Variants in ST6GALNAC2 observed in about 807,000 individuals in gnomAD.
ST6GALNAC2 encodes the protein alpha-N-acetylgalactosaminide alpha-2,6-sialyltransferase 2.
A neutral mutation model predicts 38.7 loss-of-function variants in ST6GALNAC2; 42 were observed. The ratio of observed to expected loss-of-function variants is 1.09; its 90% CI spans 0.85 to 1.40. The LOEUF is 1.40. ST6GALNAC2 is among the 40% of genes most tolerant of loss of function. The pLI is 0.00. For synonymous variants in ST6GALNAC2, 233 were observed against 209.0 expected (o/e 1.11, Z -0.99); for missense variants, 506 against 481.7 (o/e 1.05, Z -0.47).
chr17:76,583,602 C>CT (rs78559643), intron 1 of ST6GALNAC2, among the ~76,000 whole-genome samples: 893 of 11,540 alleles, frequency 0.077, 2 homozygotes, highest in Non-Finnish European at 0.16. Flanking sequence ...TGGTGAAGGC[C>CT]TTTTTTTTTT....
chr17:76,579,262 G>A (rs543072993), intron 1 of ST6GALNAC2, among the ~76,000 whole-genome samples: 1 of 152,208 alleles, frequency 6.6e-6, no homozygotes. Flanking sequence ...AGGCACACAG[G>A]ATACTGTCAC....
intron 8 of ST6GALNAC2, among the ~76,000 whole-genome samples, chr17:76,566,583 T>G (rs1368173438): frequency 6.6e-6 from 1 of 151,950 alleles, no homozygotes; most frequent in African/African-American, 2.4e-5. Flanking sequence ...AAAGGCCCTG[T>G]GTGGTGGCTC....
In ST6GALNAC2 at chr17:76,573,685, T is replaced by C. The variant is rs989956041; in HGVS notation, c.362-322A>G. ...GCTCACACCTGTAATACCAGAACTTTGGAAGGGTGAGGTGGGTGAATCACT... is the reference window on the plus strand; with the variant it reads ...GCTCACACCTGTAATACCAGAACTTCGGAAGGGTGAGGTGGGTGAATCACT... On this transcript the variant is annotated intron_variant, in intron 3 of 8. Coordinates refer to ENST00000225276, the MANE Select transcript of ST6GALNAC2 (RefSeq NM_006456.3). The surrounding 1 kb of genome is among the most constrained non-coding windows in gnomAD (Gnocchi z 5.1). Among the ~76,000 whole-genome samples the C allele has an allele frequency of 1.3e-5, 2 of 152,150 alleles. No homozygotes were observed. The highest frequency in any genetic ancestry group is 2.9e-5 in the Non-Finnish European group (2 of 68,024).
intron 5 of ST6GALNAC2, among the ~76,000 whole-genome samples, chr17:76,571,616 C>T (rs2075355234): frequency 6.6e-6 from 1 of 152,176 alleles, no homozygotes; most frequent in African/African-American, 2.4e-5. Context: ...AAGTCTAAAG[C>T]TGCTCTATTT....
chr17:76,580,890 C>T lies in ST6GALNAC2; in HGVS notation c.126-2074G>A, dbSNP rs973331774. On this transcript the variant is annotated intron_variant, in intron 1 of 8. Transcript: ENST00000225276. Reference sequence around the variant, plus strand: ...AAGGGGATAGTGTTACTATCCCCTCCCAATGCCCAATTCCCAGGCGCTAGG... The same window carrying T: ...AAGGGGATAGTGTTACTATCCCCTCTCAATGCCCAATTCCCAGGCGCTAGG... 3.9e-5 allele frequency: 6 copies of T among 152,220 alleles called. No homozygotes were observed. In the East Asian group the frequency reaches 7.7e-4, roughly 20 times the overall value. The allele number at this position is 152,220 out of a possible 1,614,324, so 9.4% of individuals were successfully genotyped here.
Position 76,580,290 on chromosome 17 carries a change from T to C in ST6GALNAC2, c.126-1474A>G, listed in dbSNP as rs553022344. On this transcript the variant is annotated intron_variant, in intron 1 of 8. Coordinates refer to ENST00000225276, the MANE Select transcript of ST6GALNAC2 (RefSeq NM_006456.3). ...AAAAATTAGCTGGCATGTTGGCACA[T>C]GCCTGTAATCCCAGCTACTTGGGAA... 6.6e-5 allele frequency among the ~76,000 whole-genome samples: 10 copies of C among 151,678 alleles called. No homozygotes were observed. The East Asian group carries it at 1.9e-3, about 29-fold the overall frequency.
At chr17:76,570,779 T>G in intron 5 of ST6GALNAC2, 111 bp from the exon 6 acceptor site, 1 of 773,506 alleles carries the variant, frequency 1.3e-6, no homozygotes, top group South Asian at 1.6e-5. Flanking sequence ...AGAATTTCCC[T>G]TAAATACCTT....
At chr17:76,584,637 C>T (rs1470550312) in intron 1 of ST6GALNAC2, among the ~76,000 whole-genome samples, 3 of 152,292 alleles carry the variant, frequency 2.0e-5, no homozygotes, top group Non-Finnish European at 1.5e-5. Flanking sequence ...GTCACCGTGG[C>T]GGGGCAAGCA....
At chr17:76,570,722 T>C in intron 5 of ST6GALNAC2, 54 bp from the exon 6 acceptor site, 1 of 1,417,974 alleles carries the variant, frequency 7.1e-7, no homozygotes, top group Non-Finnish European at 9.8e-7. Flanking sequence ...GTTTAGCTCC[T>C]CAGTGTGGAC....
At chr17:76,569,667 G>C (rs539716157) in intron 6 of ST6GALNAC2, 2 of 398,596 alleles carry the variant, frequency 5.0e-6, no homozygotes, top group Non-Finnish European at 8.8e-6. Context: ...GGGAGGCTTA[G>C]GTCCACCCGA....
intron 7 of ST6GALNAC2, 65 bp from the exon 8 acceptor site, chr17:76,567,617 A>C: frequency 9.1e-7 from 1 of 1,095,046 alleles, no homozygotes; most frequent in Non-Finnish European, 1.4e-6. Context: ...TCACAACTAC[A>C]CATTCAAATA....
chr17:76,567,513 G>A lies in ST6GALNAC2; in HGVS notation c.897C>T (p.Asp299=), dbSNP rs1328013152. 11 of 1,613,768 alleles carry A rather than the reference G, an allele frequency of 6.8e-6. No individual in the cohort carries two copies. The South Asian group carries it at 9.9e-5, about 14-fold the overall frequency. The change falls in exon 8 of 9, where the codon GAC becomes GAT. Residue 299 remains aspartate, a synonymous_variant. Transcript: ENST00000225276. ...KSKLINTHFG[D]LYMPSTGALM... is the part of the protein sequence containing the mutation. ...GAGCCCCGGTACTAGGCATATATAG[G>A]TCTCCAAAATGTGTGTTAATCAACT...
rs774664202 is a variant in ST6GALNAC2, at chr17:76,574,558, G to A, written c.187-19C>T. 1.2e-6 allele frequency: 2 copies of A among 1,604,202 alleles called. No homozygotes were observed. Among genetic ancestry groups the A allele is most frequent in the South Asian group, 2.2e-5 (2 of 89,850 alleles). On this transcript the variant is annotated intron_variant, in intron 2 of 8. Transcript: ENST00000225276. ...CCTGGCCCTGTGGGTGAGAAGGTGA[G>A]GGCTGAGCCCCGTTAGGTAGGGGCT...
In ST6GALNAC2 at chr17:76,573,193, A is replaced by G. The variant is rs148495365; in HGVS notation, c.530+2T>C. ...CCCCTCCCCAGCTCCTACCCCTCATACCTGAATACATAGTCATGGGCATCG... is the reference window on the plus strand; with the variant it reads ...CCCCTCCCCAGCTCCTACCCCTCATGCCTGAATACATAGTCATGGGCATCG... On this transcript the variant is annotated splice_donor_variant, in intron 4 of 8. Transcript: ENST00000225276. LOFTEE classifies it high-confidence loss of function. The surrounding 1 kb of genome is among the most constrained non-coding windows in gnomAD (Gnocchi z 5.1). The G allele has an allele frequency of 3.6e-4, 587 of 1,611,144 alleles. 1 individual carries two copies. Among genetic ancestry groups the G allele is most frequent in the Non-Finnish European group, 4.5e-4 (529 of 1,178,720 alleles).
chr17:76,567,380 A>G lies in ST6GALNAC2; in HGVS notation c.957+73T>C. On this transcript the variant is annotated intron_variant, in intron 8 of 8. Coordinates refer to ENST00000225276, the MANE Select transcript of ST6GALNAC2 (RefSeq NM_006456.3). ...GAGTCCCAGCTCCGAGGTAAGGGATATCAGGGGATCCTGTTGGGTTCTGTT... is the reference window on the plus strand; with the variant it reads ...GAGTCCCAGCTCCGAGGTAAGGGATGTCAGGGGATCCTGTTGGGTTCTGTT... The G allele has an allele frequency of 2.7e-6, 3 of 1,105,232 alleles. No homozygotes were observed. The South Asian group carries it at 3.8e-5, about 14-fold the overall frequency. The allele number at this position is 1,105,232 out of a possible 1,614,324, so 68.5% of individuals were successfully genotyped here. A position where few individuals can be genotyped will look rare whatever the true frequency, so the allele number is the denominator to read the frequency against.
rs1567930841 is a variant in ST6GALNAC2, at chr17:76,574,518, G to A, written c.208C>T (p.Leu70Phe). The A allele has an allele frequency of 6.2e-7, 1 of 1,610,422 alleles. No homozygotes were observed. Among genetic ancestry groups the A allele is most frequent in the Non-Finnish European group, 8.5e-7 (1 of 1,178,128 alleles). ...GGGTGCCGCTGAATGGCCAGGTGAA[G>A]CAGGTGTCGGCAGGCCTGGCCCTGT... ...TGKGQACRHL[L>F]HLAIQRHPHF... Residue 70 changes from leucine to phenylalanine, a missense_variant, in exon 3 of 9, where the codon CTT (leucine) becomes TTT (phenylalanine). Physicochemically the swap from Leu to Phe is conservative, Grantham distance 22. Transcript: ENST00000225276.
intron 7 of ST6GALNAC2, 22 bp downstream of exon 7, chr17:76,568,691 C>T: frequency 6.2e-7 from 1 of 1,612,916 alleles, no homozygotes; most frequent in Non-Finnish European, 8.5e-7. Context: ...GGACGCTGTT[C>T]TTCAGGCACC....
intron 5 of ST6GALNAC2, chr17:76,571,061 A>G (rs4789316): frequency 0.68 from 109,631 of 160,582 alleles, 37,602 homozygotes; most frequent in East Asian, 0.78. Flanking sequence ...TAGCCTACAG[A>G]GGGCCCAAGT....
chr17:76,567,109 T>C (rs903987506), intron 8 of ST6GALNAC2, among the ~76,000 whole-genome samples: 1 of 152,206 alleles, frequency 6.6e-6, no homozygotes, highest in Non-Finnish European at 1.5e-5. Flanking sequence ...TTGAGGACTT[T>C]GGCTTTCACA....
Sources: gnomAD v4.1 joint callset for allele counts (sites outside exome capture counted in the v4.1 genomes callset) on GRCh38, gnomAD v4.1.1 for gene constraint, Gnocchi (gnomAD v3.1) non-coding constraint, MANE v1.5 for transcripts, NCBI Gene and HGNC (gene_info 2026-07-23, HGNC 2026-07-21) for gene names.